The following MCM2 variants were observed in gnomAD, a reference collection of about 807,000 sequenced individuals.
The protein encoded by MCM2 is DNA replication licensing factor MCM2.
A neutral mutation model predicts 86.4 loss-of-function variants in MCM2; 49 were observed. The observed-to-expected ratio is 0.57, with a 90% CI of 0.45 to 0.72. MCM2 has a LOEUF of 0.72. Among genes scored for constraint, MCM2 ranks in the 30% least tolerant of loss-of-function variants. MCM2 has a pLI of 0.00. For synonymous variants in MCM2, 475 were observed against 484.6 expected (o/e 0.98, Z 0.26); for missense variants, 1,038 against 1,259.9 (o/e 0.82, Z 2.67).
Position 127,619,083 on chromosome 3 carries a change from C to G in MCM2, c.2070C>G (p.Asn690Lys), listed in dbSNP as rs776420074. Residue 690 changes from asparagine (N) to lysine (K), a missense_variant, in exon 13 of 16, where the codon AAC (asparagine) becomes AAG (lysine). Transcript: ENST00000265056. ...GCCACGTCAGACACCACCCCAGCAA[C>G]AAGGAGGAGGAGGGGCTGGCCAATG... ...VGSHVRHHPSNKEEEGLANGS... is the reference protein window; with the variant it reads ...VGSHVRHHPSKKEEEGLANGS... 27 of 1,612,678 alleles carry G rather than the reference C, an allele frequency of 1.7e-5. No homozygotes were observed. Among genetic ancestry groups the G allele is most frequent in the Non-Finnish European group, 1.1e-5 (13 of 1,179,152 alleles).
Position 127,618,046 on chromosome 3 carries a change from CTGTG to C in MCM2, c.1983_1986del (p.Cys661TrpfsTer2). 1 of 1,614,108 alleles carries C rather than the reference CTGTG, an allele frequency of 6.2e-7. No homozygotes were observed. The highest frequency in any genetic ancestry group is 1.1e-5 in the South Asian group (1 of 91,068). ...GCCCATCATCTCACGCTTTGACATC[CTGTG>C]TGTGGTGAGGGACACCGTGGACCCA... On this transcript the variant is annotated frameshift_variant, in exon 12 of 16. Transcript: ENST00000265056. LOFTEE classifies it high-confidence loss of function. This position sits in a 1 kb window ranked among gnomAD's most constrained non-coding sequence, Gnocchi z 4.0.
At chr3:127,609,472 G>GT (rs1172445950) in intron 8 of MCM2, among the ~76,000 whole-genome samples, 2 of 151,964 alleles carry the variant, frequency 1.3e-5, no homozygotes, top group Non-Finnish European at 2.9e-5. Context: ...GAATGGTGGT[G>GT]TTTTTTGTTT....
At chr3:127,610,725 G>A in intron 8 of MCM2, 3 of 453,084 alleles carry the variant, frequency 6.6e-6, no homozygotes, top group South Asian at 3.1e-5. Flanking sequence ...CGCAAACCCA[G>A]TAGGGGCAAA....
chr3:127,606,856 G>T lies in MCM2; in HGVS notation c.1101+39G>T. ...CAAGGTCTGCTGCCAGCTGTCCTTAGGGGTGCCCAGTATGCAGGACCTGAC... is the reference window on the plus strand; with the variant it reads ...CAAGGTCTGCTGCCAGCTGTCCTTATGGGTGCCCAGTATGCAGGACCTGAC... On this transcript the variant is annotated intron_variant, in intron 6 of 15. Transcript: ENST00000265056. The surrounding 1 kb of genome is among the most constrained non-coding windows in gnomAD (Gnocchi z 4.2). 1 of 1,600,908 alleles carries T rather than the reference G, an allele frequency of 6.2e-7. No homozygotes were observed. Among genetic ancestry groups the T allele is most frequent in the South Asian group, 1.1e-5 (1 of 90,782 alleles).
chr3:127,603,867 C>G (rs190236525), intron 2 of MCM2, among the ~76,000 whole-genome samples: 2 of 151,954 alleles, frequency 1.3e-5, no homozygotes, highest in Non-Finnish European at 2.9e-5. Flanking sequence ...TTACCATGTT[C>G]GCCAGGATGG....
At chr3:127,607,292 G>A (rs2074358932) in intron 6 of MCM2, among the ~76,000 whole-genome samples, 1 of 152,222 alleles carries the variant, frequency 6.6e-6, no homozygotes, top group African/African-American at 2.4e-5. Flanking sequence ...CGCTGCCAAA[G>A]CCTCTGATGT....
chr3:127,606,156 G>T lies in MCM2; in HGVS notation c.712G>T (p.Ala238Ser). 6.2e-7 allele frequency: 1 copy of T among 1,614,186 alleles called. No homozygotes were observed. The highest frequency in any genetic ancestry group is 8.5e-7 in the Non-Finnish European group (1 of 1,180,038). Residue 238 changes from alanine (A) to serine (S), a missense_variant, in exon 5 of 16, where the codon GCA becomes TCA. By Grantham distance (99) the Ala-to-Ser change is moderately conservative. Coordinates refer to ENST00000265056, the MANE Select transcript of MCM2 (RefSeq NM_004526.4). This position sits in a 1 kb window ranked among gnomAD's most constrained non-coding sequence, Gnocchi z 4.2. ...CCTGGTGGTGAACTATGAGGACTTG[G>T]CAGCCAGGGAGCACGTGCTGGCCTA... ...ESLVVNYEDLAAREHVLAYFL... is the reference protein window; with the variant it reads ...ESLVVNYEDLSAREHVLAYFL...
At position 127,606,303 on chromosome 3, in the gene MCM2, C is replaced by G. The variant is rs778656605; in HGVS notation, c.859C>G (p.His287Asp). ...ITNHIHVRIS[H>D]LPLVEELRSL... ...CAACCACATCCATGTCCGCATCTCCCACCTGCCTCTGGTGGAGGAGCTGCG... is the reference window on the plus strand; with the variant it reads ...CAACCACATCCATGTCCGCATCTCCGACCTGCCTCTGGTGGAGGAGCTGCG... The change falls in exon 5 of 16, where the codon CAC becomes GAC. Residue 287 changes from histidine to aspartate, a missense_variant. Coordinates refer to ENST00000265056, the MANE Select transcript of MCM2 (RefSeq NM_004526.4). This position sits in a 1 kb window ranked among gnomAD's most constrained non-coding sequence, Gnocchi z 4.2. The G allele has an allele frequency of 6.2e-7, 1 of 1,614,288 alleles. No individual in the cohort carries two copies.
Position 127,605,022 on chromosome 3 carries a change from A to T in MCM2, c.539A>T (p.His180Leu). The T allele has an allele frequency of 6.2e-7, 1 of 1,614,066 alleles. No homozygotes were observed. The highest frequency in any genetic ancestry group is 8.5e-7 in the Non-Finnish European group (1 of 1,179,954). ...SIENLEDLKG[H>L]SVREWVSMAG... ...GAGAACCTGGAGGATCTCAAAGGCC[A>T]CTCTGTGCGCGAGTGGGTGAGCATG... The change falls in exon 4 of 16, where the codon CAC (histidine) becomes CTC (leucine). Residue 180 changes from histidine (H) to leucine (L), a missense_variant. His to Leu is a moderately conservative substitution (Grantham distance 99). Coordinates refer to ENST00000265056, the MANE Select transcript of MCM2 (RefSeq NM_004526.4).
intron 8 of MCM2, among the ~76,000 whole-genome samples, chr3:127,610,289 A>T (rs1576416089): frequency 6.6e-6 from 1 of 151,590 alleles, no homozygotes; most frequent in South Asian, 2.1e-4. Context: ...ACGTATGTAA[A>T]CCCCCCAGGG....
chr3:127,600,757 T>C (rs1306037147), intron 2 of MCM2, among the ~76,000 whole-genome samples: 2 of 151,598 alleles, frequency 1.3e-5, no homozygotes, highest in African/African-American at 2.4e-5. Flanking sequence ...CCCCTCCCTG[T>C]CTTGACCCTT....
At chr3:127,605,268 G>A (rs1576413157) in intron 4 of MCM2, 112 bp downstream of exon 4, 1 of 1,402,334 alleles carries the variant, frequency 7.1e-7, no homozygotes, top group Admixed American at 2.1e-5. Flanking sequence ...TGGCTGAGAG[G>A]TCTGTCAGAG....
chr3:127,616,251 A>G (rs2074431431), intron 9 of MCM2, among the ~76,000 whole-genome samples: 1 of 152,232 alleles, frequency 6.6e-6, no homozygotes. Context: ...AACCTGTTTT[A>G]AGTACAAAAA....
Position 127,615,930 on chromosome 3 carries a change from G to A in MCM2, c.1497G>A (p.Leu499=). Reference sequence around the variant, plus strand: ...TCAAGAGAGGCCTGGCTCTGGCCCTGTTCGGAGGGGAGCCCAAAAACCCAG... The same window carrying A: ...TCAAGAGAGGCCTGGCTCTGGCCCTATTCGGAGGGGAGCCCAAAAACCCAG... The part of the protein sequence containing the change: ...EDIKRGLALA[L]FGGEPKNPGG... The change falls in exon 9 of 16, where the codon CTG becomes CTA. Residue 499 remains leucine, a synonymous_variant. Transcript: ENST00000265056. The A allele has an allele frequency of 1.9e-6, 3 of 1,614,176 alleles. No individual in the cohort carries two copies. Among genetic ancestry groups the A allele is most frequent in the South Asian group, 1.1e-5 (1 of 91,072 alleles).
chr3:127,600,594 C>A (rs2074300502), intron 2 of MCM2, among the ~76,000 whole-genome samples: 1 of 152,132 alleles, frequency 6.6e-6, no homozygotes, highest in South Asian at 2.1e-4. Flanking sequence ...AGTACCACCC[C>A]CAACGATGAG....
chr3:127,616,753 A>G lies in MCM2; in HGVS notation c.1523-115A>G, dbSNP rs1024254799. The stretch of plus-strand genomic sequence containing the variant: ...GGGCATTGTATCCCTTTCTAGAGGG[A>G]CTGTGCCTTACCATTCCTAACAAGT... On this transcript the variant is annotated intron_variant, in intron 9 of 15. Transcript: ENST00000265056. The G allele has an allele frequency of 6.8e-6, 8 of 1,179,958 alleles. No individual in the cohort carries two copies. In the African/African-American group the frequency reaches 1.2e-4, roughly 18 times the overall value. 73.1% of individuals were successfully genotyped at this position (1,179,958 alleles called of 1,614,324 possible).
At chr3:127,613,217 T>C (rs911623622) in intron 8 of MCM2, among the ~76,000 whole-genome samples, 1 of 152,204 alleles carries the variant, frequency 6.6e-6, no homozygotes, top group African/African-American at 2.4e-5. Flanking sequence ...AGGGAGACAT[T>C]ACCTCATCCT....
At chr3:127,613,774 C>G (rs2074415584) in intron 8 of MCM2, among the ~76,000 whole-genome samples, 1 of 152,174 alleles carries the variant, frequency 6.6e-6, no homozygotes. Flanking sequence ...AACAGAATAC[C>G]ATAGACTGGG....
chr3:127,604,311 C>G (rs2074328759), intron 2 of MCM2: 1 of 351,760 alleles, frequency 2.8e-6, no homozygotes. Flanking sequence ...TAGGATTTGT[C>G]CTTTTGTGCC....
Sources: allele counts gnomAD v4.1 joint callset (sites outside exome capture counted in the v4.1 genomes callset), GRCh38; gene constraint gnomAD v4.1.1; non-coding constraint Gnocchi (gnomAD v3.1); transcripts MANE v1.5; gene names NCBI Gene and HGNC (gene_info 2026-07-23, HGNC 2026-07-21).